The following LIN54 variants were observed in gnomAD, a reference collection of about 807,000 sequenced individuals.
The protein encoded by LIN54 is protein lin-54 homolog.
A neutral mutation model predicts 78.7 loss-of-function variants in LIN54; 9 were observed. That is an observed-to-expected ratio of 0.11 (90% CI 0.07 to 0.20). The LOEUF is 0.20. LIN54 is among the 10% of genes least tolerant of loss of function. The probability of loss-of-function intolerance (pLI) is 1.00; values close to 1 mark genes in which losing one functional copy is unlikely to be tolerated. For missense variants in LIN54, 573 were observed against 889.9 expected, an observed-to-expected ratio of 0.64 and a Z score of 4.53; for synonymous variants, 269 against 318.4, an observed-to-expected ratio of 0.84 and a Z score of 1.65.
chr4:82,975,376 A>T (rs930844526), intron 3 of LIN54, among the ~76,000 whole-genome samples: 1 of 151,646 alleles, frequency 6.6e-6, no homozygotes, highest in Admixed American at 6.6e-5. Flanking sequence ...TGTGTTATGT[A>T]TATCTTACCA....
At chr4:82,997,525 C>T (rs1388909478) in intron 1 of LIN54, among the ~76,000 whole-genome samples, 2 of 151,878 alleles carry the variant, frequency 1.3e-5, no homozygotes, top group African/African-American at 4.8e-5. Context: ...AATCAAAGAC[C>T]TTGCCCTCAA....
intron 1 of LIN54, among the ~76,000 whole-genome samples, chr4:83,006,928 T>C (rs1729444583): frequency 1.3e-5 from 2 of 152,120 alleles, no homozygotes; most frequent in Non-Finnish European, 2.9e-5. Flanking sequence ...TAACCTGAGG[T>C]CAGGAGTTTG....
upstream of LIN54, among the ~76,000 whole-genome samples, chr4:83,011,390 CTTAAT>C (rs927929367): frequency 3.0e-4 from 45 of 152,148 alleles, no homozygotes; most frequent in Admixed American, 6.5e-4. Context: ...TCCTCTCCAA[CTTAAT>C]TTATCTGGTC....
chr4:82,959,669 ATC>A (rs1724631960), intron 4 of LIN54, among the ~76,000 whole-genome samples: 1 of 152,176 alleles, frequency 6.6e-6, no homozygotes, highest in Non-Finnish European at 1.5e-5. Context: ...ATTGAAATGC[ATC>A]TCTTACTAGA....
chr4:82,975,387 C>A (rs1726080707), intron 3 of LIN54, among the ~76,000 whole-genome samples: 1 of 151,100 alleles, frequency 6.6e-6, no homozygotes, highest in Non-Finnish European at 1.5e-5. Context: ...TATCTTACCA[C>A]AATTTTTTAA....
At chr4:82,931,488 A>T (rs1721950167) in intron 11 of LIN54, among the ~76,000 whole-genome samples, 1 of 152,180 alleles carries the variant, frequency 6.6e-6, no homozygotes, top group Admixed American at 6.5e-5. Context: ...GAATCCAGCC[A>T]CCTCAATCAA....
chr4:82,992,884 C>T (rs968490551), intron 1 of LIN54, among the ~76,000 whole-genome samples: 2 of 151,788 alleles, frequency 1.3e-5, no homozygotes, highest in African/African-American at 4.8e-5. Flanking sequence ...AAAAATTAGC[C>T]GGGCATGGTA....
chr4:83,003,020 T>C (rs1729000351), intron 1 of LIN54, among the ~76,000 whole-genome samples: 1 of 152,182 alleles, frequency 6.6e-6, no homozygotes, highest in Admixed American at 6.5e-5. Flanking sequence ...TTAAGCTTTT[T>C]TTTGTGAGTG....
chr4:83,009,665 C>T (rs1729694520), intron 1 of LIN54, among the ~76,000 whole-genome samples: 1 of 152,186 alleles, frequency 6.6e-6, no homozygotes, highest in Non-Finnish European at 1.5e-5. Context: ...CTAATCACTC[C>T]AGCATTTAGT....
chr4:82,985,055 CTATAA>C (rs758380229), intron 1 of LIN54, among the ~76,000 whole-genome samples, 179 bp from the exon 2 acceptor site: 49 of 152,312 alleles, frequency 3.2e-4, no homozygotes, highest in Non-Finnish European at 5.9e-4. Flanking sequence ...CTGCAAGAAT[CTATAA>C]TATAAGTCAT....
At chr4:83,002,447 G>A (rs1403839250) in intron 1 of LIN54, among the ~76,000 whole-genome samples, 2 of 148,300 alleles carry the variant, frequency 1.3e-5, no homozygotes, top group African/African-American at 5.0e-5. Context: ...GAGGGAGGAG[G>A]GGAGGGAAGG....
intron 1 of LIN54, among the ~76,000 whole-genome samples, chr4:83,008,084 T>C (rs13114988): frequency 0.2 from 30,622 of 152,026 alleles, 3,253 homozygotes; most frequent in South Asian, 0.32. Context: ...CATCTCCCCT[T>C]ACCTACAATG....
intron 4 of LIN54, among the ~76,000 whole-genome samples, chr4:82,949,503 T>C (rs1723680936): frequency 6.6e-6 from 1 of 152,064 alleles, no homozygotes; most frequent in African/African-American, 2.4e-5. Flanking sequence ...TTCATGTGAT[T>C]CTCCTGCCTC....
intron 4 of LIN54, among the ~76,000 whole-genome samples, chr4:82,960,078 CA>C (rs1330313437): frequency 6.6e-6 from 1 of 152,158 alleles, no homozygotes; most frequent in Non-Finnish European, 1.5e-5. Context: ...TTTACCAAAA[CA>C]TATCAAATGA....
At chr4:82,933,750 C>T (rs1235835113) in intron 11 of LIN54, among the ~76,000 whole-genome samples, 1 of 152,212 alleles carries the variant, frequency 6.6e-6, no homozygotes, top group African/African-American at 2.4e-5. Context: ...TAGGGTAGGG[C>T]TGTCTCTTCT....
intron 1 of LIN54, among the ~76,000 whole-genome samples, chr4:82,996,250 C>T (rs2126101601): frequency 1.3e-5 from 2 of 152,126 alleles, no homozygotes; most frequent in South Asian, 4.2e-4. Context: ...ACCTCATCGT[C>T]ACTATGTTGA....
At position 82,983,077 on chromosome 4, in the gene LIN54, G is replaced by A. The variant is rs574559298; in HGVS notation, c.684+1084C>T. On this transcript the variant is annotated intron_variant, in intron 2 of 12. Transcript: ENST00000340417. ...GGCTGGAGTGCAATGGCGCGATCTCGGCTCACTGCAACCTCTGCCTCCCGG... is the reference window on the plus strand; with the variant it reads ...GGCTGGAGTGCAATGGCGCGATCTCAGCTCACTGCAACCTCTGCCTCCCGG... Among the ~76,000 whole-genome samples, 3 of 149,514 alleles carry A rather than the reference G, an allele frequency of 2.0e-5. No individual in the cohort carries two copies. In the South Asian group the frequency reaches 6.3e-4, roughly 32 times the overall value.
intron 4 of LIN54, among the ~76,000 whole-genome samples, chr4:82,947,237 T>TATATATATA (rs1560733573): frequency 8.7e-5 from 2 of 22,954 alleles, no homozygotes; most frequent in Admixed American, 1.0e-3. Context: ...ATATATATAT[T>TATATATATA]TTTTTTTTTT....
intron 3 of LIN54, among the ~76,000 whole-genome samples, chr4:82,970,828 G>T (rs1725580444): frequency 6.6e-6 from 1 of 152,136 alleles, no homozygotes; most frequent in African/African-American, 2.4e-5. Context: ...TTCAATCTCT[G>T]TATTCTACTA....
Sources: allele counts gnomAD v4.1 joint callset (sites outside exome capture counted in the v4.1 genomes callset), GRCh38; gene constraint gnomAD v4.1.1; transcripts MANE v1.5; gene names NCBI Gene and HGNC (gene_info 2026-07-23, HGNC 2026-07-21).